SLC6A20: variants seen among roughly 807,000 people sequenced by gnomAD.
The protein encoded by SLC6A20 is solute carrier family 6 member 20, also known as sodium- and chloride-dependent transporter XTRP3.
A neutral mutation model predicts 64.3 loss-of-function variants in SLC6A20; 73 were observed. That is an observed-to-expected ratio of 1.14 (90% confidence interval 0.94 to 1.38). SLC6A20 has a LOEUF of 1.38. Among genes scored for constraint, SLC6A20 ranks in the 40% most tolerant of loss-of-function variants. The probability of loss-of-function intolerance (pLI) is 0.00; values close to 1 mark genes in which losing one functional copy is unlikely to be tolerated. For synonymous variants in SLC6A20, 347 were observed against 329.6 expected, an observed-to-expected ratio of 1.05 and a Z score of -0.57; for missense variants, 725 against 772.8, an observed-to-expected ratio of 0.94 and a Z score of 0.73.
At position 45,757,910 on chromosome 3, in the gene SLC6A20, C is replaced by G. The variant is rs1353629666; in HGVS notation, c.*1068G>C. On this transcript the variant is annotated 3_prime_UTR_variant, in exon 11 of 11. Transcript: ENST00000358525. ...TATTAAGCCTATGGGAAAGTCAGAGCCACTTTTTTTTTTTTTTTTTTTTGA... is the reference window on the plus strand; with the variant it reads ...TATTAAGCCTATGGGAAAGTCAGAGGCACTTTTTTTTTTTTTTTTTTTTGA... 2 of 128,186 alleles carry G rather than the reference C, an allele frequency of 1.6e-5. No homozygotes were observed. The highest frequency in any genetic ancestry group is 6.0e-5 in the African/African-American group (2 of 33,164). 7.9% of individuals were successfully genotyped at this position (128,186 alleles called of 1,614,324 possible). A position where few individuals can be genotyped will look rare whatever the true frequency, so the allele number is the denominator to read the frequency against.
At chr3:45,790,093 C>G (rs974945177) in intron 1 of SLC6A20, among the ~76,000 whole-genome samples, 17 of 152,174 alleles carry the variant, frequency 1.1e-4, no homozygotes, top group Non-Finnish European at 2.1e-4. Flanking sequence ...ACATCATAAT[C>G]TGTCTCCTTT....
At chr3:45,777,502 T>C (rs368566886) in intron 3 of SLC6A20, among the ~76,000 whole-genome samples, 3 of 152,346 alleles carry the variant, frequency 2.0e-5, no homozygotes, top group Admixed American at 6.5e-5. Context: ...CGATGCAAGC[T>C]GACCAACTGA....
chr3:45,767,076 C>T (rs940043626), intron 7 of SLC6A20, among the ~76,000 whole-genome samples: 1 of 152,206 alleles, frequency 6.6e-6, no homozygotes, highest in Non-Finnish European at 1.5e-5. Flanking sequence ...CAGGTCAATT[C>T]TATAGTATAC....
chr3:45,772,252 A>G, intron 5 of SLC6A20: 1 of 430,962 alleles, frequency 2.3e-6, no homozygotes, highest in Non-Finnish European at 4.1e-6. Flanking sequence ...GTTGGGGGAC[A>G]GTGAGGATGA....
intron 1 of SLC6A20, among the ~76,000 whole-genome samples, chr3:45,788,632 A>T (rs1224774959): frequency 6.6e-6 from 1 of 152,232 alleles, no homozygotes; most frequent in Non-Finnish European, 1.5e-5. Context: ...CATGATACCT[A>T]ATAACTAATA....
At chr3:45,796,190 T>A in intron 1 of SLC6A20, 109 bp downstream of exon 1, 1 of 1,495,818 alleles carries the variant, frequency 6.7e-7, no homozygotes, top group Non-Finnish European at 9.0e-7. Context: ...TCACGCTCGC[T>A]TTCCCGGCCT....
intron 2 of SLC6A20, among the ~76,000 whole-genome samples, chr3:45,781,030 A>G (rs1230839658): frequency 6.6e-6 from 1 of 152,132 alleles, no homozygotes; most frequent in Non-Finnish European, 1.5e-5. Flanking sequence ...GTTAAAAATT[A>G]ATAGCCTAGC....
chr3:45,759,733 T>A (rs1470195021), intron 10 of SLC6A20, 124 bp downstream of exon 10: 7 of 1,252,718 alleles, frequency 5.6e-6, no homozygotes. Context: ...CAGTGATATT[T>A]CCATGTCGTG....
chr3:45,778,966 G>T (rs1410676245), intron 3 of SLC6A20, among the ~76,000 whole-genome samples: 1 of 152,202 alleles, frequency 6.6e-6, no homozygotes, highest in Non-Finnish European at 1.5e-5. Context: ...AGCCAGAGTG[G>T]GGTATGCCAA....
intron 5 of SLC6A20, 170 bp from the exon 6 acceptor site, chr3:45,771,628 G>A: frequency 2.9e-6 from 3 of 1,043,836 alleles, no homozygotes; most frequent in Non-Finnish European, 2.7e-6. Flanking sequence ...CCACTCCCTG[G>A]CAGATGAAAC....
chr3:45,777,577 C>A (rs1279378979), intron 3 of SLC6A20, among the ~76,000 whole-genome samples: 1 of 152,228 alleles, frequency 6.6e-6, no homozygotes, highest in African/African-American at 2.4e-5. Flanking sequence ...TGTAGCTAGC[C>A]TCTCACCCTC....
At chr3:45,768,976 G>A (rs1699816972) in intron 7 of SLC6A20, among the ~76,000 whole-genome samples, 1 of 152,184 alleles carries the variant, frequency 6.6e-6, no homozygotes, top group Non-Finnish European at 1.5e-5. Flanking sequence ...AATTTGATCT[G>A]CAGGAGATAT....
chr3:45,758,287 G>T lies in SLC6A20; in HGVS notation c.*691C>A. The T allele has an allele frequency of 2.3e-6, 1 of 430,264 alleles. No homozygotes were observed. The highest frequency in any genetic ancestry group is 4.0e-6 in the Non-Finnish European group (1 of 253,052). The allele number at this position is 430,264 out of a possible 1,614,324, so 26.7% of individuals were successfully genotyped here. On this transcript the variant is annotated 3_prime_UTR_variant, in exon 11 of 11. Transcript: ENST00000358525. ...TCCAATGCACCAAGACACACACCAC[G>T]GAGGGATGTCTGCACAGACTTCTAA...
Position 45,796,373 on chromosome 3 carries a change from AAC to A in SLC6A20, c.45_46del (p.Phe16ArgfsTer26). The A allele has an allele frequency of 6.2e-7, 1 of 1,612,484 alleles. No individual in the cohort carries two copies. Among genetic ancestry groups the A allele is most frequent in the East Asian group, 2.2e-5 (1 of 44,772 alleles). On this transcript the variant is annotated frameshift_variant, in exon 1 of 11. Transcript: ENST00000358525. LOFTEE classifies it high-confidence loss of function. ...GCCCACGGCGTACGAGATGCAGGCG[AAC>A]ACGAACTGTAGCGAGTTGGCCCACA...
At chr3:45,782,062 G>C in intron 2 of SLC6A20, 21 bp downstream of exon 2, 1 of 1,586,940 alleles carries the variant, frequency 6.3e-7, no homozygotes. Context: ...GGTGGGAGAG[G>C]ACTGGAGGGG....
rs563314033 is a variant in SLC6A20, at chr3:45,770,379, G to C, written c.936-8C>G. ...GTCAGCAGCAGACTCACCCTGCAGA[G>C]CAGACCATCGGATCGACCTTCACTG... On this transcript the variant is annotated splice_region_variant and splice_polypyrimidine_tract_variant and intron_variant, in intron 6 of 10. Coordinates refer to ENST00000358525, the MANE Select transcript of SLC6A20 (RefSeq NM_020208.4). 6.2e-7 allele frequency: 1 copy of C among 1,613,532 alleles called. No homozygotes were observed. The highest frequency in any genetic ancestry group is 2.2e-5 in the East Asian group (1 of 44,888).
Position 45,772,443 on chromosome 3 carries a change from A to ATCCTGG in SLC6A20, c.693+56_693+61dup, listed in dbSNP as rs1699889234. On this transcript the variant is annotated intron_variant, in intron 5 of 10. Transcript: ENST00000358525. ...TCTCCACCTTTCCCTCTTCCCACCC[A>ATCCTGG]TCCTGGAAGGTGGCAGGATAAGTGA... The ATCCTGG allele has an allele frequency of 2.7e-6, 4 of 1,473,560 alleles. No homozygotes were observed. The South Asian group carries it at 4.9e-5, about 18-fold the overall frequency. The allele number at this position is 1,473,560 out of a possible 1,614,324, so 91.3% of individuals were successfully genotyped here. A position where few individuals can be genotyped will look rare whatever the true frequency, so the allele number is the denominator to read the frequency against.
intron 10 of SLC6A20, 146 bp downstream of exon 10, chr3:45,759,711 T>G (rs1035368540): frequency 2.7e-6 from 3 of 1,129,484 alleles, no homozygotes; most frequent in Non-Finnish European, 3.7e-6. Context: ...CTGGACTATT[T>G]CTAAAATACC....
intron 1 of SLC6A20, among the ~76,000 whole-genome samples, chr3:45,792,932 C>T (rs1700280893): frequency 6.6e-6 from 1 of 152,142 alleles, no homozygotes; most frequent in Non-Finnish European, 1.5e-5. Context: ...GGTCCATGGA[C>T]CAAGCCTTAG....
Sources: gnomAD v4.1 joint callset for allele counts (sites outside exome capture counted in the v4.1 genomes callset) on GRCh38, gnomAD v4.1.1 for gene constraint, MANE v1.5 for transcripts, NCBI Gene and HGNC (gene_info 2026-07-23, HGNC 2026-07-21) for gene names.